Variants in MOXD1 observed in about 807,000 individuals in gnomAD.
The protein encoded by MOXD1 is monooxygenase DBH like 1.
A neutral mutation model predicts 66.6 loss-of-function variants in MOXD1; 62 were observed. That is an observed-to-expected ratio of 0.93 (90% CI 0.76 to 1.15). The LOEUF (loss-of-function observed/expected upper bound fraction) is 1.15. Ranked by LOEUF, MOXD1 falls within the 50% of genes most tolerant of loss-of-function variation. The pLI is 0.00. For missense variants in MOXD1, 847 were observed against 754.6 expected (o/e 1.12, Z -1.44); for synonymous variants, 303 against 281.9 (o/e 1.07, Z -0.75).
At chr6:132,360,779 T>C (rs532105978) in intron 4 of MOXD1, among the ~76,000 whole-genome samples, 4 of 152,320 alleles carry the variant, frequency 2.6e-5, no homozygotes, top group Admixed American at 2.6e-4. Context: ...CACTGAATGC[T>C]GTCCAAAGCA....
rs77286333 is a variant in MOXD1, at chr6:132,327,587, C to T, written c.946+426G>A. Among the ~76,000 whole-genome samples, 706 of 152,252 alleles carry T rather than the reference C, an allele frequency of 4.6e-3. 5 individuals are homozygous for T. Among genetic ancestry groups the T allele is most frequent in the Middle Eastern group, 0.024 (7 of 294 alleles). ...TCACTGCATAAGTACTTTTTGAGTACATCTATGGTTTGCTTACCACACAAC... is the reference window on the plus strand; with the variant it reads ...TCACTGCATAAGTACTTTTTGAGTATATCTATGGTTTGCTTACCACACAAC... On this transcript the variant is annotated intron_variant, in intron 6 of 11. Coordinates refer to ENST00000367963, the MANE Select transcript of MOXD1 (RefSeq NM_015529.4).
chr6:132,322,643 A>G (rs141308844), intron 8 of MOXD1, 36 bp downstream of exon 8: 4 of 1,583,368 alleles, frequency 2.5e-6, no homozygotes, highest in East Asian at 2.2e-5. Context: ...CATGACTTTC[A>G]TAACAGTCAA....
At chr6:132,308,050 A>G (rs1454763321) in intron 10 of MOXD1, among the ~76,000 whole-genome samples, 2 of 151,822 alleles carry the variant, frequency 1.3e-5, no homozygotes, top group Non-Finnish European at 2.9e-5. Context: ...AAACAGGAAA[A>G]ACTCTCAAAA....
At chr6:132,391,848 C>T (rs539606838) in intron 1 of MOXD1, 53 of 176,680 alleles carry the variant, frequency 3.0e-4, no homozygotes, top group African/African-American at 1.1e-3. Context: ...TTTCCTCAGG[C>T]TAATTATGAA....
chr6:132,396,050 C>T (rs1365837732), intron 1 of MOXD1, among the ~76,000 whole-genome samples: 1 of 152,160 alleles, frequency 6.6e-6, no homozygotes, highest in Non-Finnish European at 1.5e-5. Context: ...ACCTAACAGA[C>T]ATTTACAGAA....
At chr6:132,399,582 G>A (rs1436449887) in intron 1 of MOXD1, among the ~76,000 whole-genome samples, 5 of 152,102 alleles carry the variant, frequency 3.3e-5, no homozygotes, top group Admixed American at 2.6e-4. Context: ...TTCTACTCAC[G>A]GCTTTTCATT....
intron 4 of MOXD1, among the ~76,000 whole-genome samples, chr6:132,342,387 C>T (rs967980826): frequency 1.3e-5 from 2 of 152,248 alleles, no homozygotes; most frequent in Admixed American, 6.5e-5. Flanking sequence ...AAACTATACT[C>T]AGTTCTGTAC....
chr6:132,378,663 C>G (rs960174326), intron 1 of MOXD1, among the ~76,000 whole-genome samples: 2 of 151,926 alleles, frequency 1.3e-5, no homozygotes, highest in African/African-American at 4.8e-5. Flanking sequence ...AGATGAGAAA[C>G]AAAGTCCTTA....
intron 9 of MOXD1, among the ~76,000 whole-genome samples, chr6:132,320,385 G>C (rs544682913): frequency 6.6e-5 from 10 of 152,198 alleles, no homozygotes; most frequent in African/African-American, 2.4e-4. Context: ...ACTAAGGATA[G>C]CTTTTCATGA....
At chr6:132,351,324 G>T (rs1378538525) in intron 4 of MOXD1, among the ~76,000 whole-genome samples, 1 of 151,888 alleles carries the variant, frequency 6.6e-6, no homozygotes, top group African/African-American at 2.4e-5. Context: ...CTTGTATGCC[G>T]ACTTTGCTAA....
chr6:132,320,471 C>T (rs12661559), intron 9 of MOXD1, among the ~76,000 whole-genome samples, 158 bp downstream of exon 9: 16,725 of 152,108 alleles, frequency 0.11, 1,344 homozygotes, highest in South Asian at 0.35. Flanking sequence ...TTAGAAAATG[C>T]TAAAAACATC....
chr6:132,333,063 G>A (rs1000000881), intron 4 of MOXD1, among the ~76,000 whole-genome samples: 7 of 152,128 alleles, frequency 4.6e-5, no homozygotes, highest in Non-Finnish European at 8.8e-5. Context: ...TGGGCCGGGC[G>A]CTGTGGCTCA....
chr6:132,375,833 T>A (rs75923268), intron 1 of MOXD1, among the ~76,000 whole-genome samples: 7,584 of 152,298 alleles, frequency 0.05, 216 homozygotes, highest in Middle Eastern at 0.099. Flanking sequence ...CTTGAAGAAT[T>A]GTTGAAGTAA....
chr6:132,363,583 T>C (rs1776059657), intron 4 of MOXD1, among the ~76,000 whole-genome samples: 1 of 152,146 alleles, frequency 6.6e-6, no homozygotes, highest in Admixed American at 6.5e-5. Flanking sequence ...CCCATTAGTA[T>C]TGCTCAGAAG....
chr6:132,301,383 G>A (rs189742596), intron 10 of MOXD1, among the ~76,000 whole-genome samples: 22 of 151,940 alleles, frequency 1.4e-4, no homozygotes, highest in Non-Finnish European at 2.8e-4. Flanking sequence ...ATTTTTAAGT[G>A]GAACATAAAG....
chr6:132,315,835 G>A (rs1372473698), intron 9 of MOXD1, 58 bp from the exon 10 acceptor site: 7 of 1,526,220 alleles, frequency 4.6e-6, no homozygotes, highest in Non-Finnish European at 6.3e-6. Flanking sequence ...GACATTTAAA[G>A]CACACAAGTC....
At chr6:132,386,433 CAAAA>C (rs143926667) in intron 1 of MOXD1, among the ~76,000 whole-genome samples, 17 of 65,104 alleles carry the variant, frequency 2.6e-4, no homozygotes, top group African/African-American at 8.2e-4. Context: ...CAAAACAAAA[CAAAA>C]AAAAAAAACA....
At chr6:132,381,157 A>G (rs776592541) in intron 1 of MOXD1, among the ~76,000 whole-genome samples, 1 of 152,236 alleles carries the variant, frequency 6.6e-6, no homozygotes, top group Non-Finnish European at 1.5e-5. Context: ...ACATGCATAT[A>G]TTTGAAAAGG....
chr6:132,317,507 G>T (rs954892498), intron 9 of MOXD1, among the ~76,000 whole-genome samples: 3 of 152,090 alleles, frequency 2.0e-5, no homozygotes, highest in African/African-American at 7.2e-5. Context: ...CTACTGTAGG[G>T]AGTAAAATTT....
Sources: allele counts gnomAD v4.1 joint callset (sites outside exome capture counted in the v4.1 genomes callset), GRCh38; gene constraint gnomAD v4.1.1; transcripts MANE v1.5; gene names NCBI Gene and HGNC (gene_info 2026-07-23, HGNC 2026-07-21).